SERPINE3: variants seen among roughly 807,000 people sequenced by gnomAD.
SERPINE3 encodes the protein serpin family E member 3.
A neutral mutation model predicts 41.7 loss-of-function variants in SERPINE3; 43 were observed. That is an observed-to-expected ratio of 1.03 (90% CI 0.81 to 1.33). SERPINE3 has a LOEUF of 1.33. Among genes scored for constraint, SERPINE3 ranks in the 40% most tolerant of loss-of-function variants. The probability of loss-of-function intolerance (pLI) is 0.00; values close to 1 mark genes in which losing one functional copy is unlikely to be tolerated. For synonymous variants in SERPINE3, 200 were observed against 192.2 expected, an observed-to-expected ratio of 1.04 and a Z score of -0.34; for missense variants, 440 against 491.7, an observed-to-expected ratio of 0.89 and a Z score of 0.99.
At chr13:51,362,768 ACAT>A (rs1192950119) in intron 9 of SERPINE3, 1 of 152,464 alleles carries the variant, frequency 6.6e-6, no homozygotes. Context: ...AATACTGTCA[ACAT>A]CATTTTATCT....
At chr13:51,361,610 T>C in intron 8 of SERPINE3, 200 bp from the exon 9 acceptor site, 1 of 592,466 alleles carries the variant, frequency 1.7e-6, no homozygotes, top group African/African-American at 1.9e-5. Flanking sequence ...CCATGGAATG[T>C]GTTGAAAACA....
chr13:51,364,244 G>T lies in SERPINE3; in HGVS notation c.1177G>T (p.Val393Phe). The change falls in exon 10 of 10, where the codon GTC becomes TTC. Residue 393 changes from valine to phenylalanine, a missense_variant. Transcript: ENST00000681248. ...ATTCTTCTTTTTCTTGACAGGGTTT[G>T]TCTTCAGTATTGGGAGAGTTTCAAA... The part of the protein sequence containing the change: ...YFLREPNTGF[V>F]FSIGRVSNPL... The T allele has an allele frequency of 1.4e-6, 2 of 1,450,180 alleles. No individual in the cohort carries two copies. Among genetic ancestry groups the T allele is most frequent in the Non-Finnish European group, 1.9e-6 (2 of 1,078,992 alleles). The allele number at this position is 1,450,180 out of a possible 1,614,324, so 89.8% of individuals were successfully genotyped here. A position where few individuals can be genotyped will look rare whatever the true frequency, so the allele number is the denominator to read the frequency against.
intron 9 of SERPINE3, chr13:51,362,449 T>G (rs1291540119): frequency 6.5e-6 from 1 of 153,244 alleles, no homozygotes; most frequent in Non-Finnish European, 1.5e-5. Context: ...AAAGCCTCAG[T>G]ACATCAGAAG....
At chr13:51,361,594 T>C (rs914209550) in intron 8 of SERPINE3, 1 of 588,270 alleles carries the variant, frequency 1.7e-6, no homozygotes, top group Non-Finnish European at 3.0e-6. Flanking sequence ...CAATAAGGAA[T>C]TTATTCCATG....
In SERPINE3 at chr13:51,347,239, G is replaced by A; in HGVS notation, c.700+5G>A. 2 of 1,612,156 alleles carry A rather than the reference G, an allele frequency of 1.2e-6. No individual in the cohort carries two copies. The highest frequency in any genetic ancestry group is 1.7e-6 in the Non-Finnish European group (2 of 1,178,678). On this transcript the variant is annotated splice_donor_5th_base_variant and intron_variant, in intron 5 of 9. Transcript: ENST00000681248. ...AAACGACCGAGGTCAACTACGGTGAGCTCTGCCCCTGCTGGTTTGTCTAAA... is the reference window on the plus strand; with the variant it reads ...AAACGACCGAGGTCAACTACGGTGAACTCTGCCCCTGCTGGTTTGTCTAAA...
At chr13:51,357,293 AAT>A (rs1323210449) in intron 7 of SERPINE3, among the ~76,000 whole-genome samples, 2 of 152,206 alleles carry the variant, frequency 1.3e-5, no homozygotes, top group African/African-American at 4.8e-5. Flanking sequence ...CTCTCCAACA[AAT>A]AGTTTCCTCA....
intron 6 of SERPINE3, chr13:51,354,184 G>A (rs1387704826): frequency 6.6e-6 from 1 of 151,962 alleles, no homozygotes; most frequent in African/African-American, 2.4e-5. Context: ...TACTATATGT[G>A]AGATGCCACA....
chr13:51,343,921 A>G (rs61956913), intron 3 of SERPINE3, among the ~76,000 whole-genome samples: 3,811 of 152,254 alleles, frequency 0.025, 62 homozygotes, highest in South Asian at 0.056. Context: ...CTCTACTCCA[A>G]CACACATCAA....
chr13:51,360,366 C>A (rs1593650623), intron 7 of SERPINE3, among the ~76,000 whole-genome samples: 1 of 152,106 alleles, frequency 6.6e-6, no homozygotes, highest in East Asian at 1.9e-4. Flanking sequence ...AGAATATTCT[C>A]AACTCTGCTT....
intron 3 of SERPINE3, 76 bp downstream of exon 3, chr13:51,341,423 T>C (rs545649538): frequency 1.6e-6 from 2 of 1,279,414 alleles, no homozygotes; most frequent in Admixed American, 4.1e-5. Context: ...ACCCTCCTGC[T>C]CACACTCACA....
Position 51,341,504 on chromosome 13 carries a change from C to T in SERPINE3, c.256+157C>T, listed in dbSNP as rs369668380. On this transcript the variant is annotated intron_variant, in intron 3 of 9. Transcript: ENST00000681248. ...TCTCCAGCTCACCCTGCTGCTCAGG[C>T]TACCTGGGAGATAGGGAGCTCAGCT... Among the ~76,000 whole-genome samples the T allele has an allele frequency of 1.7e-4, 26 of 152,330 alleles. No homozygotes were observed. The South Asian group carries it at 4.8e-3, about 28-fold the overall frequency.
chr13:51,347,961 C>A (rs568185127), intron 5 of SERPINE3, among the ~76,000 whole-genome samples: 1 of 152,068 alleles, frequency 6.6e-6, no homozygotes, highest in Non-Finnish European at 1.5e-5. Flanking sequence ...CATCGTCCCC[C>A]CCCCCATACC....
At chr13:51,363,035 T>G (rs1955612930) in intron 9 of SERPINE3, 1 of 151,294 alleles carries the variant, frequency 6.6e-6, no homozygotes, top group South Asian at 2.1e-4. Context: ...GTCAAAAAAA[T>G]GAAAGATGAG....
At position 51,364,579 on chromosome 13, in the gene SERPINE3, C is replaced by G; in HGVS notation, c.*297C>G. On this transcript the variant is annotated 3_prime_UTR_variant, in exon 10 of 10. Coordinates refer to ENST00000681248, the MANE Select transcript of SERPINE3 (RefSeq NM_001386375.1). ...AGGCCATAAGATTGCTTCCTCAGTA[C>G]GGATACTCTAGGCCATGTTGAATTG... 2 of 269,980 alleles carry G rather than the reference C, an allele frequency of 7.4e-6. No homozygotes were observed. The highest frequency in any genetic ancestry group is 2.1e-4 in the South Asian group (2 of 9,706). The allele number at this position is 269,980 out of a possible 1,614,324, so 16.7% of individuals were successfully genotyped here. A position where few individuals can be genotyped will look rare whatever the true frequency, so the allele number is the denominator to read the frequency against.
intron 7 of SERPINE3, 27 bp downstream of exon 7, chr13:51,355,170 TC>T (rs1955460721): frequency 8.6e-7 from 1 of 1,158,756 alleles, no homozygotes; most frequent in Non-Finnish European, 1.3e-6. Flanking sequence ...TTCCAAACGT[TC>T]TAGCCGTGTA....
chr13:51,356,696 T>C (rs1955486986), intron 7 of SERPINE3, among the ~76,000 whole-genome samples: 1 of 152,070 alleles, frequency 6.6e-6, no homozygotes, highest in Non-Finnish European at 1.5e-5. Context: ...GCTCCCCTAT[T>C]GGTAAAGGCT....
chr13:51,351,219 C>A (rs1955399586), intron 6 of SERPINE3, among the ~76,000 whole-genome samples: 2 of 152,130 alleles, frequency 1.3e-5, no homozygotes, highest in African/African-American at 4.8e-5. Flanking sequence ...TTTTGAAGAA[C>A]TATCAAACTG....
chr13:51,342,358 G>T (rs921484588), intron 3 of SERPINE3, among the ~76,000 whole-genome samples: 1 of 152,058 alleles, frequency 6.6e-6, no homozygotes, highest in Non-Finnish European at 1.5e-5. Context: ...TTGTTAATCT[G>T]TCTGGGCCTC....
At chr13:51,361,024 G>A (rs184344174) in intron 7 of SERPINE3, among the ~76,000 whole-genome samples, 25 of 152,018 alleles carry the variant, frequency 1.6e-4, no homozygotes, top group Admixed American at 9.2e-4. Context: ...TTTTGGGAGC[G>A]ATTACATATT....
Sources: gnomAD v4.1 joint callset for allele counts (sites outside exome capture counted in the v4.1 genomes callset) on GRCh38, gnomAD v4.1.1 for gene constraint, MANE v1.5 for transcripts, NCBI Gene and HGNC (gene_info 2026-07-23, HGNC 2026-07-21) for gene names.